Variants in P2RX3 observed in about 807,000 individuals in gnomAD.
P2RX3 encodes the protein purinergic receptor P2X 3.
A neutral mutation model predicts 51.5 loss-of-function variants in P2RX3; 41 were observed. The ratio of observed to expected loss-of-function variants is 0.80; its 90% CI spans 0.62 to 1.03. The LOEUF is 1.03. Among genes scored for constraint, P2RX3 ranks in the 50% least tolerant of loss-of-function variants. The probability of loss-of-function intolerance (pLI) is 0.00; values close to 1 mark genes in which losing one functional copy is unlikely to be tolerated. For synonymous variants in P2RX3, 185 were observed against 191.6 expected, an observed-to-expected ratio of 0.97 and a Z score of 0.29; for missense variants, 459 against 522.1, an observed-to-expected ratio of 0.88 and a Z score of 1.18.
chr11:57,363,417 C>T (rs1201348697), intron 8 of P2RX3, among the ~76,000 whole-genome samples: 4 of 152,206 alleles, frequency 2.6e-5, no homozygotes, highest in East Asian at 3.9e-4. Context: ...GGGTGGGGAG[C>T]GCCATGCAGT....
intron 8 of P2RX3, among the ~76,000 whole-genome samples, chr11:57,357,924 A>G (rs1856655364): frequency 6.6e-6 from 1 of 152,148 alleles, no homozygotes; most frequent in Non-Finnish European, 1.5e-5. Context: ...TAGAAACCCA[A>G]ATTCCAGGCC....
At chr11:57,343,472 C>A (rs1335027579) in intron 1 of P2RX3, among the ~76,000 whole-genome samples, 4 of 152,192 alleles carry the variant, frequency 2.6e-5, no homozygotes, top group Non-Finnish European at 4.4e-5. Context: ...GTCTGGAGCA[C>A]GTTGTCTGGT....
rs73472574 is a variant in P2RX3 at position 57,360,569 on chromosome 11, C to T, written c.843-7440C>T. Reference sequence around the variant, plus strand: ...CAGCACTTTGGGAGGTCGAGGTGAGCGGTTCACAAGGTCAGGATGGAGACC... The same window carrying T: ...CAGCACTTTGGGAGGTCGAGGTGAGTGGTTCACAAGGTCAGGATGGAGACC... On this transcript the variant is annotated intron_variant, in intron 8 of 11. Coordinates refer to ENST00000263314, the MANE Select transcript of P2RX3 (RefSeq NM_002559.5). Among the ~76,000 whole-genome samples the T allele has an allele frequency of 7.8e-3, 1,191 of 151,770 alleles. 17 individuals are homozygous for T. The highest frequency in any genetic ancestry group is 0.027 in the African/African-American group (1,104 of 41,392).
chr11:57,346,727 C>A lies in P2RX3; in HGVS notation c.255+48C>A, dbSNP rs751538276. ...GGCATGTGGATGTCCAGACACTGGG[C>A]AGGTTGGAAGGGAGAAAGCGAGCAA... On this transcript the variant is annotated intron_variant, in intron 2 of 11. Coordinates refer to ENST00000263314, the MANE Select transcript of P2RX3 (RefSeq NM_002559.5). The A allele has an allele frequency of 6.6e-5, 106 of 1,603,106 alleles. 1 individual carries two copies. In the Middle Eastern group the frequency reaches 1.0e-3, roughly 16 times the overall value.
At chr11:57,351,136 CA>C (rs1856541269) in intron 8 of P2RX3, among the ~76,000 whole-genome samples, 1 of 152,124 alleles carries the variant, frequency 6.6e-6, no homozygotes, top group Non-Finnish European at 1.5e-5. Flanking sequence ...TGCTGCAGGT[CA>C]GTAGTTAGAA....
At chr11:57,347,287 G>C in intron 3 of P2RX3, 100 bp downstream of exon 3, 1 of 1,490,800 alleles carries the variant, frequency 6.7e-7, no homozygotes, top group Non-Finnish European at 9.3e-7. Context: ...CCCCAAGTCT[G>C]ACCTTGCAAC....
chr11:57,345,110 C>A (rs1476811698), intron 1 of P2RX3, among the ~76,000 whole-genome samples: 1 of 152,234 alleles, frequency 6.6e-6, no homozygotes, highest in Non-Finnish European at 1.5e-5. Flanking sequence ...AGTCCTCGCC[C>A]ACCTCCTTAT....
chr11:57,358,352 G>C (rs950043600), intron 8 of P2RX3, among the ~76,000 whole-genome samples: 16 of 152,328 alleles, frequency 1.1e-4, no homozygotes, highest in Admixed American at 9.1e-4. Context: ...GCTGGGCTTT[G>C]TGGCGAATAC....
rs370986190 is a variant in P2RX3, at chr11:57,370,047, G to A, written c.*50G>A. ...CACAAAGGCTCCAGGCCTCCCCACAGAGGACCCTGCCTGAGCAAGGGGCAT... is the reference window on the plus strand; with the variant it reads ...CACAAAGGCTCCAGGCCTCCCCACAAAGGACCCTGCCTGAGCAAGGGGCAT... On this transcript the variant is annotated 3_prime_UTR_variant, in exon 12 of 12. Transcript: ENST00000263314. The A allele has an allele frequency of 3.8e-6, 5 of 1,324,116 alleles. No homozygotes were observed. The highest frequency in any genetic ancestry group is 5.3e-6 in the Non-Finnish European group (5 of 943,234). 82.0% of individuals were successfully genotyped at this position (1,324,116 alleles called of 1,614,324 possible). A position where few individuals can be genotyped will look rare whatever the true frequency, so the allele number is the denominator to read the frequency against.
At chr11:57,341,391 GA>G (rs1856337216) in intron 1 of P2RX3, among the ~76,000 whole-genome samples, 1 of 152,104 alleles carries the variant, frequency 6.6e-6, no homozygotes, top group Non-Finnish European at 1.5e-5. Flanking sequence ...ATTTCTCTGA[GA>G]ACTTCTCAGC....
At position 57,353,837 on chromosome 11, in the gene P2RX3, TCCCC is replaced by T. The variant is rs3837409; in HGVS notation, c.842+2947_842+2950del. ...TTCGCAGCTCCCTTCCAAATGTCAC[TCCCC>T]CCCCCCCGCCCCTATTTTTTGTAGC... On this transcript the variant is annotated intron_variant, in intron 8 of 11. Transcript: ENST00000263314. Among the ~76,000 whole-genome samples the T allele has an allele frequency of 1.4e-4, 17 of 120,992 alleles. 1 individual carries two copies. The highest frequency in any genetic ancestry group is 8.9e-4 in the East Asian group (4 of 4,506). The allele number at this position is 120,992 out of a possible 152,430, so 79.4% of individuals were successfully genotyped here. A position where few individuals can be genotyped will look rare whatever the true frequency, so the allele number is the denominator to read the frequency against.
chr11:57,369,310 C>T (rs757458470), intron 10 of P2RX3, 51 bp from the exon 11 acceptor site: 4 of 1,554,416 alleles, frequency 2.6e-6, no homozygotes, highest in Middle Eastern at 2.1e-4. Context: ...CACCCTGATC[C>T]CACCCAACCC....
intron 2 of P2RX3, 36 bp downstream of exon 2, chr11:57,346,715 C>T: frequency 6.2e-7 from 1 of 1,608,858 alleles, no homozygotes; most frequent in East Asian, 2.2e-5. Context: ...ATGTGGATGT[C>T]CAGACACTGG....
rs1387183767 is a variant in P2RX3 at position 57,369,515 on chromosome 11, C to T, written c.1080+77C>T. 5.7e-6 allele frequency: 8 copies of T among 1,401,180 alleles called. No homozygotes were observed. In the Admixed American group the frequency reaches 8.6e-5, roughly 15 times the overall value. The allele number at this position is 1,401,180 out of a possible 1,614,324, so 86.8% of individuals were successfully genotyped here. On this transcript the variant is annotated intron_variant, in intron 11 of 11. Coordinates refer to ENST00000263314, the MANE Select transcript of P2RX3 (RefSeq NM_002559.5). Reference sequence around the variant, plus strand: ...GCAGGGGCAGGGACTCTCAGTGGCTCCCCTTCTGAGGCCTTCTGAAGGGGG... The same window carrying T: ...GCAGGGGCAGGGACTCTCAGTGGCTTCCCTTCTGAGGCCTTCTGAAGGGGG...
intron 8 of P2RX3, among the ~76,000 whole-genome samples, chr11:57,354,847 T>C (rs1207077667): frequency 2.0e-5 from 3 of 152,060 alleles, no homozygotes; most frequent in African/African-American, 7.2e-5. Flanking sequence ...CTGGGTAATC[T>C]GAGGAGAGTT....
At chr11:57,353,223 C>T (rs547172112) in intron 8 of P2RX3, among the ~76,000 whole-genome samples, 14 of 152,342 alleles carry the variant, frequency 9.2e-5, no homozygotes, top group South Asian at 6.2e-4. Flanking sequence ...GTAAGATGTA[C>T]GCTGTTTTTT....
At position 57,348,645 on chromosome 11, in the gene P2RX3, T is replaced by C. The variant is rs898549633; in HGVS notation, c.504T>C (p.Ala168=). The C allele has an allele frequency of 1.9e-6, 3 of 1,613,910 alleles. No individual in the cohort carries two copies. The Admixed American group carries it at 5.0e-5, about 27-fold the overall frequency. The stretch of plus-strand genomic sequence containing the variant: ...CCCACAGGCCCATCATGATGGAAGC[T>C]GAGAACTTCACTATTTTCATCAAGA... ...DTVETPIMME[A]ENFTIFIKNS... The change falls in exon 6 of 12, where the codon GCT becomes GCC. Residue 168 remains alanine, a synonymous_variant. Transcript: ENST00000263314.
intron 8 of P2RX3, among the ~76,000 whole-genome samples, chr11:57,361,741 G>A (rs1266117683): frequency 6.6e-6 from 1 of 152,172 alleles, no homozygotes; most frequent in African/African-American, 2.4e-5. Context: ...GAACAGTGCT[G>A]CAATAAACAT....
At chr11:57,347,527 C>G in intron 4 of P2RX3, 49 bp downstream of exon 4, 1 of 1,532,014 alleles carries the variant, frequency 6.5e-7, no homozygotes, top group Non-Finnish European at 8.8e-7. Flanking sequence ...TTAGTGGGAC[C>G]CATGGGGGAG....
Sources: gnomAD v4.1 joint callset for allele counts (sites outside exome capture counted in the v4.1 genomes callset) on GRCh38, gnomAD v4.1.1 for gene constraint, MANE v1.5 for transcripts, NCBI Gene and HGNC (gene_info 2026-07-23, HGNC 2026-07-21) for gene names.